Variants in CFTR observed in about 807,000 individuals in gnomAD.
The protein encoded by CFTR is cystic fibrosis transmembrane conductance regulator.
In CFTR, 181 loss-of-function variants were observed where a neutral mutation model predicts 171.6. The ratio of observed to expected loss-of-function variants is 1.05; its 90% CI spans 0.93 to 1.19. The LOEUF is 1.19. CFTR is among the 50% of genes most tolerant of loss of function. CFTR has a pLI of 0.00. For synonymous variants in CFTR, 583 were observed against 608.0 expected (o/e 0.96, Z 0.60); for missense variants, 1,968 against 1,734.7 (o/e 1.13, Z -2.39).
chr7:117,553,224 GACACAC>G (rs375658005), intron 10 of CFTR, among the ~76,000 whole-genome samples: 1 of 148,978 alleles, frequency 6.7e-6, no homozygotes, highest in African/African-American at 2.5e-5. Flanking sequence ...CCTGAACAAG[GACACAC>G]ACACACACAC....
At chr7:117,490,348 C>T (rs1798140028) in intron 1 of CFTR, among the ~76,000 whole-genome samples, 1 of 148,210 alleles carries the variant, frequency 6.7e-6, no homozygotes, top group South Asian at 2.2e-4. Context: ...CACACACACA[C>T]ACACACAATT....
chr7:117,501,877 T>A (rs1462365772), intron 1 of CFTR, among the ~76,000 whole-genome samples: 1 of 150,840 alleles, frequency 6.6e-6, no homozygotes, highest in Non-Finnish European at 1.5e-5. Context: ...TAACGTTATT[T>A]GCCTTCATTG....
At chr7:117,642,744 A>G in intron 23 of CFTR, 151 bp downstream of exon 23, 3 of 805,868 alleles carry the variant, frequency 3.7e-6, no homozygotes, top group Non-Finnish European at 4.0e-6. Flanking sequence ...TCTCATAGGC[A>G]GAAAAGATGT....
At chr7:117,648,111 G>T (rs1327259986) in intron 23 of CFTR, among the ~76,000 whole-genome samples, 1 of 148,030 alleles carries the variant, frequency 6.8e-6, no homozygotes, top group Non-Finnish European at 1.5e-5. Flanking sequence ...GTATATGTAT[G>T]TACACATTAT....
rs368701045 is a variant in CFTR at position 117,641,109 on chromosome 7, G to C, written c.3718-1329G>C. 3.4e-4 allele frequency among the ~76,000 whole-genome samples: 52 copies of C among 152,240 alleles called. No homozygotes were observed. The South Asian group carries it at 0.011, about 31-fold the overall frequency. ...TGATCTGATTTTCTCAGTTGTCTGA[G>C]AACAAACATTTGTGAAAATCTCATT... On this transcript the variant is annotated intron_variant, in intron 22 of 26. Transcript: ENST00000003084.
chr7:117,627,735 G>C lies in CFTR; in HGVS notation c.3682G>C (p.Glu1228Gln), dbSNP rs759116351. 8 of 1,612,828 alleles carry C rather than the reference G, an allele frequency of 5.0e-6. No homozygotes were observed. Among genetic ancestry groups the C allele is most frequent in the Non-Finnish European group, 6.8e-6 (8 of 1,179,394 alleles). ...CACAGAAGGTGGAAATGCCATATTA[G>C]AGAACATTTCCTTCTCAATAAGTCC... The part of the protein sequence containing the change: ...KYTEGGNAIL[E>Q]NISFSISPGQ... The change falls in exon 22 of 27, where the codon GAG becomes CAG. Residue 1228 changes from glutamate to glutamine, a missense_variant. Transcript: ENST00000003084.
At chr7:117,653,828 G>A (rs558977757) in intron 24 of CFTR, among the ~76,000 whole-genome samples, 1 of 152,262 alleles carries the variant, frequency 6.6e-6, no homozygotes, top group African/African-American at 2.4e-5. Context: ...GGTAGAGTGG[G>A]ACTTAAGGTG....
At chr7:117,660,899 C>T (rs1352939509) in intron 24 of CFTR, among the ~76,000 whole-genome samples, 3 of 152,000 alleles carry the variant, frequency 2.0e-5, no homozygotes, top group Non-Finnish European at 2.9e-5. Flanking sequence ...AAGGCAGAGC[C>T]TCCTGTTACT....
chr7:117,486,360 A>G (rs1036164947), intron 1 of CFTR, among the ~76,000 whole-genome samples: 2 of 152,166 alleles, frequency 1.3e-5, no homozygotes, highest in Non-Finnish European at 2.9e-5. Flanking sequence ...GAGGTGGCCA[A>G]GAAGGAAATT....
intron 1 of CFTR, among the ~76,000 whole-genome samples, chr7:117,493,075 A>C (rs2116621144): frequency 6.6e-6 from 1 of 152,252 alleles, no homozygotes; most frequent in Non-Finnish European, 1.5e-5. Context: ...AATCTGGCAC[A>C]GCGTTTCCTT....
intron 9 of CFTR, among the ~76,000 whole-genome samples, chr7:117,546,957 G>A (rs35130797): frequency 0.074 from 11,302 of 152,158 alleles, 429 homozygotes; most frequent in Middle Eastern, 0.11. Context: ...GCCATATGAC[G>A]TGGTGTGATT....
At chr7:117,504,691 T>C (rs1303389628) in intron 2 of CFTR, among the ~76,000 whole-genome samples, 2 of 151,072 alleles carry the variant, frequency 1.3e-5, no homozygotes, top group Admixed American at 6.6e-5. Flanking sequence ...GAGTTTGAGG[T>C]TGCAGTGAGC....
At chr7:117,537,782 C>T (rs899701984) in intron 7 of CFTR, among the ~76,000 whole-genome samples, 2 of 152,154 alleles carry the variant, frequency 1.3e-5, no homozygotes, top group Admixed American at 6.5e-5. Flanking sequence ...TTCCAGAAAA[C>T]AAGTTCTTGG....
At chr7:117,526,225 A>G (rs1798777508) in intron 3 of CFTR, among the ~76,000 whole-genome samples, 3 of 151,518 alleles carry the variant, frequency 2.0e-5, no homozygotes, top group Admixed American at 1.3e-4. Context: ...AAGCCGCTCA[A>G]CTACATGGAA....
intron 21 of CFTR, 122 bp from the exon 22 acceptor site, chr7:117,627,400 C>T (rs1792666899): frequency 9.6e-7 from 1 of 1,039,324 alleles, no homozygotes; most frequent in Non-Finnish European, 1.4e-6. Context: ...AAAAGCCCGA[C>T]AAATAACCAA....
chr7:117,536,433 A>T, intron 6 of CFTR, 115 bp from the exon 7 acceptor site: 1 of 1,025,230 alleles, frequency 9.8e-7, no homozygotes, highest in Non-Finnish European at 1.5e-6. Flanking sequence ...TAATAAAATA[A>T]TGCCCATCTG....
intron 1 of CFTR, among the ~76,000 whole-genome samples, chr7:117,491,490 A>G (rs1343700919): frequency 1.3e-5 from 2 of 152,096 alleles, no homozygotes; most frequent in African/African-American, 4.8e-5. Context: ...TAGAAGTACA[A>G]GATCAAGGTG....
At chr7:117,640,804 T>C (rs1562922757) in intron 22 of CFTR, among the ~76,000 whole-genome samples, 2 of 152,200 alleles carry the variant, frequency 1.3e-5, no homozygotes, top group Non-Finnish European at 2.9e-5. Context: ...AATCCATTAT[T>C]TGTTAGATCA....
chr7:117,642,742 G>C, intron 23 of CFTR, 149 bp downstream of exon 23: 1 of 830,806 alleles, frequency 1.2e-6, no homozygotes, highest in Non-Finnish European at 1.9e-6. Flanking sequence ...TTTCTCATAG[G>C]CAGAAAAGAT....
Sources: gnomAD v4.1 joint callset for allele counts (sites outside exome capture counted in the v4.1 genomes callset) on GRCh38, gnomAD v4.1.1 for gene constraint, MANE v1.5 for transcripts, NCBI Gene and HGNC (gene_info 2026-07-23, HGNC 2026-07-21) for gene names.